The following KPNA5 variants were observed in gnomAD, a reference collection of about 807,000 sequenced individuals.
KPNA5 encodes the protein karyopherin subunit alpha 5, also known as importin subunit alpha-6.
A neutral mutation model predicts 71.3 loss-of-function variants in KPNA5; 46 were observed. The observed-to-expected ratio is 0.65, with a 90% CI of 0.51 to 0.83. The LOEUF is 0.83. Among genes scored for constraint, KPNA5 ranks in the 40% least tolerant of loss-of-function variants. The probability of loss-of-function intolerance (pLI) is 0.00; values close to 1 mark genes in which losing one functional copy is unlikely to be tolerated. For synonymous variants in KPNA5, 207 were observed against 201.4 expected, an observed-to-expected ratio of 1.03 and a Z score of -0.24; for missense variants, 547 against 628.3, an observed-to-expected ratio of 0.87 and a Z score of 1.38.
In KPNA5 at chr6:116,732,094, A is replaced by G. The variant is rs200146118; in HGVS notation, c.1433-42A>G. The G allele has an allele frequency of 1.3e-4, 11 of 84,088 alleles. 2 individuals are homozygous for G. The highest frequency in any genetic ancestry group is 2.3e-4 in the Non-Finnish European group (10 of 43,128). The allele number at this position is 84,088 out of a possible 1,614,324, so 5.2% of individuals were successfully genotyped here. A position where few individuals can be genotyped will look rare whatever the true frequency, so the allele number is the denominator to read the frequency against. On this transcript the variant is annotated intron_variant, in intron 13 of 13. Coordinates refer to ENST00000368564, the MANE Select transcript of KPNA5 (RefSeq NM_001366306.2). ...TTTGTTTATATATATATATATATAT[A>G]TATATATATATATATATATATATAT...
At chr6:116,719,023 A>C (rs1779009191) in intron 8 of KPNA5, among the ~76,000 whole-genome samples, 1 of 152,092 alleles carries the variant, frequency 6.6e-6, no homozygotes, top group African/African-American at 2.4e-5. Context: ...TCAGGTGATG[A>C]TCTGTCCATC....
chr6:116,726,593 A>C lies in KPNA5; in HGVS notation c.1224A>C (p.Ala408=). 2 of 1,612,060 alleles carry C rather than the reference A, an allele frequency of 1.2e-6. No individual in the cohort carries two copies. Among genetic ancestry groups the C allele is most frequent in the Non-Finnish European group, 1.7e-6 (2 of 1,179,066 alleles). ...AAGCAGCTTGGGCTATAACTAATGCAACATCAGGAGGTACTCCAGAGCAAA... is the reference window on the plus strand; with the variant it reads ...AAGCAGCTTGGGCTATAACTAATGCCACATCAGGAGGTACTCCAGAGCAAA... ...RKEAAWAITN[A]TSGGTPEQIR... is the part of the protein sequence containing the mutation. Residue 408 remains alanine, a synonymous_variant, in exon 12 of 14, where the codon GCA becomes GCC. Coordinates refer to ENST00000368564, the MANE Select transcript of KPNA5 (RefSeq NM_001366306.2).
rs1281653390 is a variant in KPNA5, at chr6:116,701,907, A to G, written c.436-112A>G. 54 of 838,182 alleles carry G rather than the reference A, an allele frequency of 6.4e-5. No homozygotes were observed. In the South Asian group the frequency reaches 1.1e-3, roughly 17 times the overall value. The allele number at this position is 838,182 out of a possible 1,614,324, so 51.9% of individuals were successfully genotyped here. On this transcript the variant is annotated intron_variant, in intron 5 of 13. Coordinates refer to ENST00000368564, the MANE Select transcript of KPNA5 (RefSeq NM_001366306.2). ...CTGACTTCACAATGAATCTTAATAT[A>G]AGTCAGTCTTTCACACTTGTCCTGG...
intron 6 of KPNA5, among the ~76,000 whole-genome samples, chr6:116,704,193 C>T (rs953477568): frequency 2.6e-5 from 4 of 152,110 alleles, no homozygotes; most frequent in Non-Finnish European, 2.9e-5. Flanking sequence ...CACCTGCAAT[C>T]ACACCCAGCT....
chr6:116,687,706 A>G (rs1023524078), intron 1 of KPNA5, among the ~76,000 whole-genome samples: 1 of 151,856 alleles, frequency 6.6e-6, no homozygotes, highest in Admixed American at 6.6e-5. Flanking sequence ...GTCATCCTCA[A>G]CTCCCTTTTC....
intron 9 of KPNA5, among the ~76,000 whole-genome samples, chr6:116,723,489 G>A (rs953159578): frequency 1.3e-5 from 2 of 152,194 alleles, no homozygotes; most frequent in African/African-American, 4.8e-5. Flanking sequence ...TGAGAAAAAT[G>A]TAAGATGAAT....
chr6:116,726,650 T>C, intron 12 of KPNA5, 28 bp downstream of exon 12: 1 of 1,511,792 alleles, frequency 6.6e-7, no homozygotes, highest in Non-Finnish European at 8.8e-7. Context: ...TAATTGTTTT[T>C]TACATGTAAA....
At position 116,681,222 on chromosome 6, in the gene KPNA5, C is replaced by A. The variant is rs1427693545; in HGVS notation, c.-113C>A. On this transcript the variant is annotated 5_prime_UTR_variant, in exon 1 of 14. Transcript: ENST00000368564. The stretch of plus-strand genomic sequence containing the variant: ...CGCAGGTGGCCGCCATCTTGGATTG[C>A]GAACTGGGTCGCTACGCTTCACGCC... 1.5e-5 allele frequency: 22 copies of A among 1,456,986 alleles called. No homozygotes were observed. Among genetic ancestry groups the A allele is most frequent in the Non-Finnish European group, 1.9e-5 (20 of 1,053,146 alleles). The allele number at this position is 1,456,986 out of a possible 1,614,324, so 90.3% of individuals were successfully genotyped here.
At chr6:116,687,403 A>G (rs139051766) in intron 1 of KPNA5, among the ~76,000 whole-genome samples, 1 of 152,310 alleles carries the variant, frequency 6.6e-6, no homozygotes, top group Non-Finnish European at 1.5e-5. Context: ...AGGGTCAGGG[A>G]GGGCTAATAG....
At chr6:116,716,999 A>G (rs933148780) in intron 8 of KPNA5, among the ~76,000 whole-genome samples, 2 of 152,124 alleles carry the variant, frequency 1.3e-5, no homozygotes, top group Non-Finnish European at 1.5e-5. Context: ...TTCATAAGAT[A>G]TTCAAAAGAC....
At chr6:116,710,446 C>G (rs189841117) in intron 7 of KPNA5, among the ~76,000 whole-genome samples, 1 of 151,892 alleles carries the variant, frequency 6.6e-6, no homozygotes, top group African/African-American at 2.4e-5. Context: ...GGGGTACACG[C>G]GGTGTTTTGA....
intron 7 of KPNA5, among the ~76,000 whole-genome samples, chr6:116,715,594 T>C (rs1409825288): frequency 6.6e-6 from 1 of 152,150 alleles, no homozygotes; most frequent in Non-Finnish European, 1.5e-5. Flanking sequence ...TTCCTTGCTT[T>C]CTGAATTCAT....
chr6:116,723,789 G>C (rs1218929881), intron 9 of KPNA5, among the ~76,000 whole-genome samples: 1 of 151,672 alleles, frequency 6.6e-6, no homozygotes, highest in Non-Finnish European at 1.5e-5. Context: ...TTAAGGAGTG[G>C]GATTTTGCAT....
At position 116,741,087 on chromosome 6, in the gene KPNA5, T is replaced by C. The variant is rs1282660828; in HGVS notation, c.*8764T>C. ...TGTGATTACATGAGTTTGAAATTCG[T>C]TGATACTTGCTTTATGATCTGATAT... On this transcript the variant is annotated 3_prime_UTR_variant, in exon 14 of 14. Coordinates refer to ENST00000368564, the MANE Select transcript of KPNA5 (RefSeq NM_001366306.2). 6.6e-5 allele frequency: 10 copies of C among 152,186 alleles called. No homozygotes were observed. Among genetic ancestry groups the C allele is most frequent in the Admixed American group, 2.6e-4 (4 of 15,258 alleles). 9.4% of individuals were successfully genotyped at this position (152,186 alleles called of 1,614,324 possible). A position where few individuals can be genotyped will look rare whatever the true frequency, so the allele number is the denominator to read the frequency against.
rs1451749642 is a variant in KPNA5, at chr6:116,740,223, G to A, written c.*7900G>A. 1 of 152,152 alleles carries A rather than the reference G, an allele frequency of 6.6e-6. No homozygotes were observed. Among genetic ancestry groups the A allele is most frequent in the Non-Finnish European group, 1.5e-5 (1 of 68,040 alleles). 9.4% of individuals were successfully genotyped at this position (152,152 alleles called of 1,614,324 possible). A position where few individuals can be genotyped will look rare whatever the true frequency, so the allele number is the denominator to read the frequency against. Reference sequence around the variant, plus strand: ...CTTCTCAAAAGAAGACATTTATGCAGCCAAAAAACACATGAAAAAATGCTC... The same window carrying A: ...CTTCTCAAAAGAAGACATTTATGCAACCAAAAAACACATGAAAAAATGCTC... On this transcript the variant is annotated 3_prime_UTR_variant, in exon 14 of 14. Coordinates refer to ENST00000368564, the MANE Select transcript of KPNA5 (RefSeq NM_001366306.2).
intron 7 of KPNA5, among the ~76,000 whole-genome samples, chr6:116,712,711 T>C (rs1043941677): frequency 2.0e-5 from 3 of 152,180 alleles, no homozygotes; most frequent in Non-Finnish European, 2.9e-5. Context: ...GCGATTCTCC[T>C]GCATTGGCCT....
Position 116,725,798 on chromosome 6 carries a change from T to G in KPNA5, c.1047T>G (p.Ser349Arg). Reference sequence around the variant, plus strand: ...TACCCTGTCTCTTACATTTATTGAGTAGCCCAAAGGAGTCAATTAGAAAAG... The same window carrying G: ...TACCCTGTCTCTTACATTTATTGAGGAGCCCAAAGGAGTCAATTAGAAAAG... ...SALPCLLHLL[S>R]SPKESIRKEA... The change falls in exon 11 of 14, where the codon AGT (serine) becomes AGG (arginine). Residue 349 changes from serine (S) to arginine (R), a missense_variant. Coordinates refer to ENST00000368564, the MANE Select transcript of KPNA5 (RefSeq NM_001366306.2). 1 of 1,613,256 alleles carries G rather than the reference T, an allele frequency of 6.2e-7. No individual in the cohort carries two copies. The highest frequency in any genetic ancestry group is 8.5e-7 in the Non-Finnish European group (1 of 1,179,514).
In KPNA5 at chr6:116,701,063, A is replaced by G. The variant is rs527691469; in HGVS notation, c.436-956A>G. On this transcript the variant is annotated intron_variant, in intron 5 of 13. Coordinates refer to ENST00000368564, the MANE Select transcript of KPNA5 (RefSeq NM_001366306.2). Reference sequence around the variant, plus strand: ...CTTATTTCATTATCTACAATTGGTTAGAACTATGGTCTCCATTATTTTTAA... The same window carrying G: ...CTTATTTCATTATCTACAATTGGTTGGAACTATGGTCTCCATTATTTTTAA... Among the ~76,000 whole-genome samples, 42 of 152,280 alleles carry G rather than the reference A, an allele frequency of 2.8e-4. 2 individuals are homozygous for G. The South Asian group carries it at 8.7e-3, about 32-fold the overall frequency.
At position 116,692,144 on chromosome 6, in the gene KPNA5, A is replaced by C; in HGVS notation, c.228A>C (p.Val76=). ...PIQDPDISST[V]PIPEEEVVTT... The stretch of plus-strand genomic sequence containing the variant: ...AGGATCCAGATATTAGTTCCACTGT[A>C]CCCATTCCAGAGGTATACTTTACCA... The change falls in exon 3 of 14, where the codon GTA becomes GTC. Residue 76 remains valine, a synonymous_variant. Coordinates refer to ENST00000368564, the MANE Select transcript of KPNA5 (RefSeq NM_001366306.2). 6.2e-7 allele frequency: 1 copy of C among 1,604,862 alleles called. No homozygotes were observed. The highest frequency in any genetic ancestry group is 8.5e-7 in the Non-Finnish European group (1 of 1,172,390).
Sources: gnomAD v4.1 joint callset for allele counts (sites outside exome capture counted in the v4.1 genomes callset) on GRCh38, gnomAD v4.1.1 for gene constraint, MANE v1.5 for transcripts, NCBI Gene and HGNC (gene_info 2026-07-23, HGNC 2026-07-21) for gene names.